Variants in DMXL1 observed in about 807,000 individuals in gnomAD.
DMXL1 encodes the protein dmX-like protein 1.
Under a neutral mutation model 319.2 loss-of-function variants are expected in DMXL1, and 99 were observed. That is an observed-to-expected ratio of 0.31 (90% CI 0.26 to 0.37). The LOEUF (loss-of-function observed/expected upper bound fraction) is 0.37, where lower values mean the gene tolerates loss of function less well. Among genes scored for constraint, DMXL1 ranks in the 10% least tolerant of loss-of-function variants. DMXL1 has a pLI of 1.00. For missense variants in DMXL1, 3,745 were observed against 3,595.6 expected, an observed-to-expected ratio of 1.04 and a Z score of -1.06; for synonymous variants, 1,385 against 1,235.2, an observed-to-expected ratio of 1.12 and a Z score of -2.54.
chr5:119,146,454 A>G (rs1368815568), intron 15 of DMXL1, among the ~76,000 whole-genome samples: 3 of 152,024 alleles, frequency 2.0e-5, no homozygotes, highest in African/African-American at 7.2e-5. Context: ...GTCATCCATT[A>G]TAGAACTTAT....
intron 34 of DMXL1, among the ~76,000 whole-genome samples, chr5:119,215,612 G>T (rs1039780410): frequency 2.0e-5 from 3 of 152,026 alleles, no homozygotes; most frequent in African/African-American, 7.2e-5. Context: ...GATTATAGGC[G>T]TGAGCCACCA....
In DMXL1 at chr5:119,071,498, GA is replaced by G; in HGVS notation, c.-71del. ...GAGCGGCCGCCGCCCCTGAGGGAAG[GA>G]GGGAGGGAAGCAGCCGCTGACCCGT... is the stretch of plus-strand genomic sequence containing the variant. On this transcript the variant is annotated 5_prime_UTR_variant, in exon 1 of 44. Coordinates refer to ENST00000539542, the MANE Select transcript of DMXL1 (RefSeq NM_001290321.3). The G allele has an allele frequency of 6.9e-7, 1 of 1,445,510 alleles. No homozygotes were observed. Among genetic ancestry groups the G allele is most frequent in the Non-Finnish European group, 9.5e-7 (1 of 1,051,084 alleles). 89.5% of individuals were successfully genotyped at this position (1,445,510 alleles called of 1,614,324 possible). A position where few individuals can be genotyped will look rare whatever the true frequency, so the allele number is the denominator to read the frequency against.
In DMXL1 at chr5:119,192,545, C is replaced by T. The variant is rs574535891; in HGVS notation, c.7315-1283C>T. On this transcript the variant is annotated intron_variant, in intron 29 of 43. Transcript: ENST00000539542. ...ATACTTACTTATATAACTTTCTGAC[C>T]CAGTTACACCCGTTAAAACTGATCT... is the stretch of plus-strand genomic sequence containing the variant. Among the ~76,000 whole-genome samples the T allele has an allele frequency of 6.4e-4, 97 of 152,216 alleles. 1 individual carries two copies. Among genetic ancestry groups the T allele is most frequent in the Non-Finnish European group, 1.2e-3 (79 of 68,012 alleles).
At chr5:119,245,233 A>G (rs961343810) in intron 43 of DMXL1, among the ~76,000 whole-genome samples, 11 of 152,180 alleles carry the variant, frequency 7.2e-5, no homozygotes, top group Non-Finnish European at 1.2e-4. Flanking sequence ...GGTAATTGGT[A>G]AATCAGTTTA....
intron 42 of DMXL1, among the ~76,000 whole-genome samples, chr5:119,243,466 G>T (rs1789185728): frequency 6.6e-6 from 1 of 151,964 alleles, no homozygotes; most frequent in Non-Finnish European, 1.5e-5. Context: ...AATCCTCACT[G>T]TTCATTATGC....
chr5:119,191,347 C>T (rs1273310322), intron 29 of DMXL1, among the ~76,000 whole-genome samples: 1 of 152,226 alleles, frequency 6.6e-6, no homozygotes, highest in Non-Finnish European at 1.5e-5. Flanking sequence ...ACACAAGTCT[C>T]CCAGGCCTGC....
Position 119,188,500 on chromosome 5 carries a change from C to G in DMXL1, c.7136-1208C>G, listed in dbSNP as rs540149564. On this transcript the variant is annotated intron_variant, in intron 28 of 43. Transcript: ENST00000539542. ...GTTTTTGAAAGGTAAAAAAATATCTCTATAGTTCTCACTTTTCACTTGATG... is the reference window on the plus strand; with the variant it reads ...GTTTTTGAAAGGTAAAAAAATATCTGTATAGTTCTCACTTTTCACTTGATG... 1.8e-4 allele frequency among the ~76,000 whole-genome samples: 28 copies of G among 152,278 alleles called. No individual in the cohort carries two copies. In the East Asian group the frequency reaches 3.1e-3, roughly 17 times the overall value.
chr5:119,082,020 T>TATATACACAC (rs1200957102), intron 1 of DMXL1, among the ~76,000 whole-genome samples: 85 of 108,138 alleles, frequency 7.9e-4, no homozygotes, highest in South Asian at 2.5e-3. Context: ...TATATATATA[T>TATATACACAC]ACACACACAC....
Position 119,167,585 on chromosome 5 carries a change from C to G in DMXL1, c.5137-18C>G. Reference sequence around the variant, plus strand: ...AAACCTGCTCCTGCTTATTTAAAAACAATATTTTTTTTTAAAGGTATGTCT... The same window carrying G: ...AAACCTGCTCCTGCTTATTTAAAAAGAATATTTTTTTTTAAAGGTATGTCT... On this transcript the variant is annotated intron_variant, in intron 22 of 43. Coordinates refer to ENST00000539542, the MANE Select transcript of DMXL1 (RefSeq NM_001290321.3). 2 of 1,535,694 alleles carry G rather than the reference C, an allele frequency of 1.3e-6. No individual in the cohort carries two copies. Among genetic ancestry groups the G allele is most frequent in the Non-Finnish European group, 1.8e-6 (2 of 1,141,372 alleles).
chr5:119,214,972 T>G (rs1783424592), intron 34 of DMXL1, among the ~76,000 whole-genome samples: 2 of 152,148 alleles, frequency 1.3e-5, no homozygotes, highest in South Asian at 2.1e-4. Context: ...AACCTAAGAA[T>G]GAACATTTAG....
At chr5:119,114,160 G>A (rs1202187252) in intron 5 of DMXL1, among the ~76,000 whole-genome samples, 1 of 152,086 alleles carries the variant, frequency 6.6e-6, no homozygotes, top group Non-Finnish European at 1.5e-5. Context: ...GGGATCCATG[G>A]TTCTGGAAAC....
At chr5:119,183,751 G>A (rs758002527) in intron 28 of DMXL1, among the ~76,000 whole-genome samples, 157 of 152,200 alleles carry the variant, frequency 1.0e-3, no homozygotes, top group Non-Finnish European at 1.5e-3. Context: ...GAGCCACCAC[G>A]CCTGGCCAGG....
chr5:119,100,258 G>A (rs768539027), intron 2 of DMXL1, among the ~76,000 whole-genome samples: 78 of 151,368 alleles, frequency 5.2e-4, no homozygotes, highest in Non-Finnish European at 8.1e-4. Context: ...GAGAAACCCC[G>A]TCTCTACTAC....
Position 119,114,486 on chromosome 5 carries a change from A to G in DMXL1, c.509A>G (p.Gln170Arg), listed in dbSNP as rs1218161765. The G allele has an allele frequency of 6.2e-7, 1 of 1,607,674 alleles. No homozygotes were observed. Among genetic ancestry groups the G allele is most frequent in the East Asian group, 2.2e-5 (1 of 44,670 alleles). ...TGTTTAATTTACAGAACTGCTTCCC[A>G]AGTTCATTTAATGAAATTTTCACCA... ...KCIWHCKTAS[Q>R]VHLMKFSPDG... The change falls in exon 6 of 44, where the codon CAA becomes CGA. Residue 170 changes from glutamine (Q) to arginine (R), a missense_variant. Coordinates refer to ENST00000539542, the MANE Select transcript of DMXL1 (RefSeq NM_001290321.3).
chr5:119,082,735 G>A (rs571372951), intron 1 of DMXL1, among the ~76,000 whole-genome samples: 83 of 152,264 alleles, frequency 5.5e-4, no homozygotes, highest in African/African-American at 1.7e-3. Flanking sequence ...ATTTGAATTC[G>A]TCTAGCTGTT....
intron 13 of DMXL1, among the ~76,000 whole-genome samples, chr5:119,138,188 C>T (rs1025267097): frequency 6.6e-6 from 1 of 151,952 alleles, no homozygotes; most frequent in Non-Finnish European, 1.5e-5. Context: ...ATAAAAATGG[C>T]CAAATTCAAG....
At chr5:119,209,091 GTTTA>G (rs1782280958) in intron 34 of DMXL1, among the ~76,000 whole-genome samples, 1 of 152,112 alleles carries the variant, frequency 6.6e-6, no homozygotes, top group Admixed American at 6.5e-5. Flanking sequence ...ATATACCATA[GTTTA>G]TTTACCTGTT....
chr5:119,197,624 A>G (rs148419845), intron 31 of DMXL1, 131 bp from the exon 32 acceptor site: 1 of 797,318 alleles, frequency 1.3e-6, no homozygotes, highest in East Asian at 2.6e-5. Context: ...GCCAAAGTGT[A>G]TGTTAATATT....
chr5:119,119,360 A>AT (rs1223156099), intron 8 of DMXL1, among the ~76,000 whole-genome samples: 3 of 152,100 alleles, frequency 2.0e-5, no homozygotes, highest in Admixed American at 2.0e-4. Context: ...TTCTTCTACC[A>AT]TTTTATCTTT....
Sources: allele counts gnomAD v4.1 joint callset (sites outside exome capture counted in the v4.1 genomes callset), GRCh38; gene constraint gnomAD v4.1.1; transcripts MANE v1.5; gene names NCBI Gene and HGNC (gene_info 2026-07-23, HGNC 2026-07-21).